The following TIA1 variants were observed in gnomAD, a reference collection of about 807,000 sequenced individuals.
The protein encoded by TIA1 is TIA1 cytotoxic granule associated RNA binding protein.
A neutral mutation model predicts 65.9 loss-of-function variants in TIA1; 23 were observed. The ratio of observed to expected loss-of-function variants is 0.35; its 90% confidence interval spans 0.25 to 0.49. The LOEUF (loss-of-function observed/expected upper bound fraction) is 0.49. TIA1 is among the 20% of genes least tolerant of loss of function. The pLI, the probability that TIA1 is intolerant of heterozygous loss-of-function variation, is 0.98. For synonymous variants in TIA1, 147 were observed against 149.4 expected (o/e 0.98, Z 0.12); for missense variants, 371 against 477.9 (o/e 0.78, Z 2.09).
chr2:70,242,228 G>A (rs1692139938), intron 1 of TIA1, among the ~76,000 whole-genome samples: 1 of 151,890 alleles, frequency 6.6e-6, no homozygotes, highest in African/African-American at 2.4e-5. Flanking sequence ...TGACTCTTGT[G>A]CCTATAAGAA....
rs1332707387 is a variant in TIA1 at position 70,216,424 on chromosome 2, C to T, written c.659G>A (p.Gly220Asp). 6.2e-7 allele frequency: 1 copy of T among 1,612,844 alleles called. No homozygotes were observed. Among genetic ancestry groups the T allele is most frequent in the Non-Finnish European group, 8.5e-7 (1 of 1,179,652 alleles). ...SPSNCTVYCG[G>D]VTSGLTEQLM... ...CATACCTGTTAGCCCAGAAGTAACA[C>T]CTCCACAGTATACAGTACAGTTGCT... Residue 220 changes from glycine (G) to aspartate (D), a missense_variant, in exon 9 of 13, where the codon GGT (glycine) becomes GAT (aspartate). Transcript: ENST00000433529.
chr2:70,214,329 A>G lies in TIA1; in HGVS notation c.1034+20T>C, dbSNP rs754029121. 2.3e-5 allele frequency: 36 copies of G among 1,596,824 alleles called. 1 individual carries two copies. The Middle Eastern group carries it at 1.2e-3, about 55-fold the overall frequency. On this transcript the variant is annotated intron_variant, in intron 12 of 12. Coordinates refer to ENST00000433529, the MANE Select transcript of TIA1 (RefSeq NM_022173.4). ...AGACATTTTCAAAGGTTAGTAAAGG[A>G]AGACATAAGATATGCTTACTTAAAT...
intron 1 of TIA1, among the ~76,000 whole-genome samples, chr2:70,240,168 C>G (rs1691033177): frequency 6.6e-6 from 1 of 152,084 alleles, no homozygotes; most frequent in African/African-American, 2.4e-5. Flanking sequence ...ACCACTATGA[C>G]CCAGTGATAA....
At chr2:70,215,605 T>C in intron 10 of TIA1, 111 bp from the exon 11 acceptor site, 4 of 979,382 alleles carry the variant, frequency 4.1e-6, no homozygotes, top group Non-Finnish European at 5.8e-6. Flanking sequence ...TTGCGTAACA[T>C]GGCATATTTT....
At chr2:70,216,744 A>C in intron 8 of TIA1, 142 bp downstream of exon 8, 1 of 1,584,718 alleles carries the variant, frequency 6.3e-7, no homozygotes, top group Non-Finnish European at 8.5e-7. Context: ...AAAAATGAAA[A>C]CTAAGTACAT....
chr2:70,232,353 C>T (rs1307484723), intron 2 of TIA1, among the ~76,000 whole-genome samples: 2 of 150,230 alleles, frequency 1.3e-5, no homozygotes, highest in Non-Finnish European at 3.0e-5. Context: ...CCAGCCTGAC[C>T]AACATGGTGA....
chr2:70,231,384 G>C (rs1686225308), intron 2 of TIA1, among the ~76,000 whole-genome samples: 1 of 151,852 alleles, frequency 6.6e-6, no homozygotes, highest in South Asian at 2.1e-4. Context: ...GAATGCTTGA[G>C]CCCAGGAGTT....
rs1676223705 is a variant in TIA1, at chr2:70,210,529, A to AT, written c.*2189dup. On this transcript the variant is annotated 3_prime_UTR_variant, in exon 13 of 13. Transcript: ENST00000433529. Reference sequence around the variant, plus strand: ...TCTTCTCAGAAAGTAGTCAATGTACATTTTAAGATTTGTGCAATAAGCCAA... The same window carrying AT: ...TCTTCTCAGAAAGTAGTCAATGTACATTTTTAAGATTTGTGCAATAAGCCAA... 6.6e-6 allele frequency: 1 copy of AT among 152,216 alleles called. No individual in the cohort carries two copies. The highest frequency in any genetic ancestry group is 2.4e-5 in the African/African-American group (1 of 41,474). The allele number at this position is 152,216 out of a possible 1,614,324, so 9.4% of individuals were successfully genotyped here. A position where few individuals can be genotyped will look rare whatever the true frequency, so the allele number is the denominator to read the frequency against.
Position 70,228,599 on chromosome 2 carries a change from T to G in TIA1, c.310+460A>C. On this transcript the variant is annotated intron_variant, in intron 5 of 12. Transcript: ENST00000433529. ...ATCAAAAAAAGAAACACTTTAAAAA[T>G]GCAAAATTGTTGGACCAACACTTTA... 2.7e-6 allele frequency: 3 copies of G among 1,112,350 alleles called. No individual in the cohort carries two copies. The South Asian group carries it at 6.4e-5, about 24-fold the overall frequency. The allele number at this position is 1,112,350 out of a possible 1,614,324, so 68.9% of individuals were successfully genotyped here.
At chr2:70,238,275 T>G (rs1052156219) in intron 1 of TIA1, among the ~76,000 whole-genome samples, 6 of 134,260 alleles carry the variant, frequency 4.5e-5, no homozygotes, top group African/African-American at 1.7e-4. Context: ...TTTTTTTTTT[T>G]TTTTTTTTTT....
chr2:70,238,145 AGCGAG>A (rs1689903457), intron 1 of TIA1, among the ~76,000 whole-genome samples: 2 of 151,210 alleles, frequency 1.3e-5, no homozygotes, highest in African/African-American at 4.8e-5. Context: ...TGGGCAACAG[AGCGAG>A]ACTCCATCTC....
chr2:70,228,353 C>A (rs945737995), intron 5 of TIA1: 2 of 1,286,106 alleles, frequency 1.6e-6, no homozygotes, highest in Non-Finnish European at 2.0e-6. Context: ...CCTTGCATTG[C>A]AACAGTTTGA....
chr2:70,217,187 T>A (rs780196417), intron 7 of TIA1, 193 bp from the exon 8 acceptor site: 6 of 430,276 alleles, frequency 1.4e-5, no homozygotes, highest in Non-Finnish European at 2.2e-5. Flanking sequence ...TTATTTATTT[T>A]TTCAGATAGA....
intron 3 of TIA1, among the ~76,000 whole-genome samples, chr2:70,230,284 G>T (rs1478245173): frequency 1.3e-5 from 2 of 149,734 alleles, no homozygotes; most frequent in African/African-American, 4.9e-5. Flanking sequence ...ATAAACACAA[G>T]CCTCTGCCCT....
intron 1 of TIA1, among the ~76,000 whole-genome samples, chr2:70,241,281 A>G (rs150167420): frequency 0.012 from 1,757 of 152,230 alleles, 39 homozygotes; most frequent in African/African-American, 0.04. Context: ...CTCTACTAAA[A>G]AATACAAAAA....
intron 7 of TIA1, among the ~76,000 whole-genome samples, chr2:70,219,970 G>A (rs915042669): frequency 3.3e-5 from 5 of 152,080 alleles, no homozygotes; most frequent in African/African-American, 9.7e-5. Flanking sequence ...GTGTTGAATT[G>A]TGTCCCTCAA....
intron 2 of TIA1, among the ~76,000 whole-genome samples, chr2:70,235,328 T>C (rs962962863): frequency 4.6e-5 from 7 of 152,090 alleles, no homozygotes; most frequent in African/African-American, 1.2e-4. Context: ...GCCAGAAGAA[T>C]TGCTTGAACC....
In TIA1 at chr2:70,209,889, C is replaced by A. The variant is rs1206714384; in HGVS notation, c.*2830G>T. ...CAATCTAGTTCTTACCAACTGCCTT[C>A]TCAAATGGAATAGAACTATAACACA... On this transcript the variant is annotated 3_prime_UTR_variant, in exon 13 of 13. Coordinates refer to ENST00000433529, the MANE Select transcript of TIA1 (RefSeq NM_022173.4). 4 of 395,406 alleles carry A rather than the reference C, an allele frequency of 1.0e-5. No individual in the cohort carries two copies. Among genetic ancestry groups the A allele is most frequent in the African/African-American group, 8.2e-5 (4 of 48,536 alleles). The allele number at this position is 395,406 out of a possible 1,614,324, so 24.5% of individuals were successfully genotyped here. A position where few individuals can be genotyped will look rare whatever the true frequency, so the allele number is the denominator to read the frequency against.
chr2:70,235,745 G>A (rs1427245497), intron 2 of TIA1, among the ~76,000 whole-genome samples: 2 of 152,098 alleles, frequency 1.3e-5, no homozygotes, highest in Admixed American at 6.6e-5. Flanking sequence ...TAGCCAACCA[G>A]TTGACACCAC....
Sources: allele counts gnomAD v4.1 joint callset (sites outside exome capture counted in the v4.1 genomes callset), GRCh38; gene constraint gnomAD v4.1.1; transcripts MANE v1.5; gene names NCBI Gene and HGNC (gene_info 2026-07-23, HGNC 2026-07-21).